B3GALT1: variants seen among roughly 807,000 people sequenced by gnomAD.
The protein encoded by B3GALT1 is beta-1,3-galactosyltransferase 1.
In B3GALT1, 10 loss-of-function variants were observed where a neutral mutation model predicts 23.2. The ratio of observed to expected loss-of-function variants is 0.43; its 90% CI spans 0.27 to 0.73. The LOEUF is 0.73. B3GALT1 is among the 30% of genes least tolerant of loss of function. The pLI, the probability that B3GALT1 is intolerant of heterozygous loss-of-function variation, is 0.21. For synonymous variants in B3GALT1, 156 were observed against 141.5 expected, an observed-to-expected ratio of 1.10 and a Z score of -0.73; for missense variants, 299 against 405.4, an observed-to-expected ratio of 0.74 and a Z score of 2.25.
intron 4 of B3GALT1, among the ~76,000 whole-genome samples, chr2:167,840,432 C>T (rs1481646403): frequency 0.011 from 1,599 of 151,998 alleles, 16 homozygotes; most frequent in Middle Eastern, 0.034. Context: ...AAAATGCTCA[C>T]CATCACTGGC....
Position 167,440,742 on chromosome 2 carries a change from G to C in B3GALT1, c.-510-49435G>C, listed in dbSNP as rs114200067. ...TCTTTCTAGAATGACTGTTTTGCTA[G>C]TTATTTGATCTCTAAAATTGACCTT... is the stretch of plus-strand genomic sequence containing the variant. On this transcript the variant is annotated intron_variant, in intron 1 of 4. Coordinates refer to ENST00000392690, the MANE Select transcript of B3GALT1 (RefSeq NM_020981.4). 5.5e-3 allele frequency among the ~76,000 whole-genome samples: 836 copies of C among 151,778 alleles called. 10 individuals carry two copies. The highest frequency in any genetic ancestry group is 0.019 in the African/African-American group (801 of 41,414).
chr2:167,589,943 A>G (rs1246651456), intron 2 of B3GALT1, among the ~76,000 whole-genome samples: 1 of 152,154 alleles, frequency 6.6e-6, no homozygotes. Flanking sequence ...TAGTATTCCT[A>G]TCCTTAACTT....
intron 1 of B3GALT1, among the ~76,000 whole-genome samples, chr2:167,392,349 T>C (rs1297974341): frequency 6.6e-6 from 1 of 152,118 alleles, no homozygotes; most frequent in Non-Finnish European, 1.5e-5. Context: ...TTTAGGGATA[T>C]CTACTTCTCA....
intron 1 of B3GALT1, among the ~76,000 whole-genome samples, chr2:167,303,682 C>CACACACACACAGAGAGAGAG (rs535369991): frequency 6.7e-6 from 1 of 148,834 alleles, no homozygotes; most frequent in African/African-American, 2.5e-5. Context: ...CACACACACA[C>CACACACACACAGAGAGAGAG]AGAGAGAGAC....
chr2:167,434,848 G>A (rs1321256432), intron 1 of B3GALT1, among the ~76,000 whole-genome samples: 1 of 151,686 alleles, frequency 6.6e-6, no homozygotes, highest in Non-Finnish European at 1.5e-5. Context: ...TAGAAAATGT[G>A]TCACCCATAT....
chr2:167,506,258 ACT>A (rs1486658321), intron 2 of B3GALT1, among the ~76,000 whole-genome samples: 2 of 151,732 alleles, frequency 1.3e-5, no homozygotes, highest in East Asian at 1.9e-4. Context: ...GTCTTTAAAG[ACT>A]CTTTATTTTT....
intron 2 of B3GALT1, among the ~76,000 whole-genome samples, chr2:167,506,837 G>C (rs1699924942): frequency 6.6e-6 from 1 of 152,180 alleles, no homozygotes; most frequent in African/African-American, 2.4e-5. Context: ...AAGTGTATGG[G>C]TGAATGTTTA....
At chr2:167,551,328 G>A (rs558119309) in intron 2 of B3GALT1, among the ~76,000 whole-genome samples, 57 of 152,290 alleles carry the variant, frequency 3.7e-4, no homozygotes, top group East Asian at 1.4e-3. Flanking sequence ...TTGAGCTGGT[G>A]GAAGATGAGC....
At position 167,293,070 on chromosome 2, in the gene B3GALT1, CA is replaced by C; in HGVS notation, c.-774del. On this transcript the variant is annotated 5_prime_UTR_variant, in exon 1 of 5. Transcript: ENST00000392690. ...TGCCGCCGCGGCTGCTCGGCTAGTG[CA>C]GCTGGGCGAGCTCGCGCGGGCGCCG... 1 of 151,432 alleles carries C rather than the reference CA, an allele frequency of 6.6e-6. No individual in the cohort carries two copies. Among genetic ancestry groups the C allele is most frequent in the Admixed American group, 6.6e-5 (1 of 15,196 alleles). 9.4% of individuals were successfully genotyped at this position (151,432 alleles called of 1,614,324 possible).
At chr2:167,500,658 G>A (rs543846721) in intron 2 of B3GALT1, among the ~76,000 whole-genome samples, 41 of 152,026 alleles carry the variant, frequency 2.7e-4, no homozygotes, top group African/African-American at 9.9e-4. Context: ...CACATATTGT[G>A]CTCATTATTA....
rs116528633 is a variant in B3GALT1 at position 167,619,555 on chromosome 2, C to T, written c.-409-27354C>T. Among the ~76,000 whole-genome samples, 1,369 of 152,042 alleles carry T rather than the reference C, an allele frequency of 9.0e-3. 12 individuals carry two copies. The highest frequency in any genetic ancestry group is 0.035 in the South Asian group (168 of 4,826). ...ACTTAAACATATATATTATATAGTA[C>T]ATTGTGCAGAAAGAAAATAAAGCAT... On this transcript the variant is annotated intron_variant, in intron 2 of 4. Coordinates refer to ENST00000392690, the MANE Select transcript of B3GALT1 (RefSeq NM_020981.4).
chr2:167,293,699 G>A (rs561187230), intron 1 of B3GALT1, among the ~76,000 whole-genome samples: 9 of 152,260 alleles, frequency 5.9e-5, no homozygotes, highest in Admixed American at 3.9e-4. Context: ...GGCTCGGCGG[G>A]AGGTAGAACG....
At position 167,586,851 on chromosome 2, in the gene B3GALT1, A is replaced by G. The variant is rs182685731; in HGVS notation, c.-409-60058A>G. 2.9e-3 allele frequency among the ~76,000 whole-genome samples: 437 copies of G among 152,334 alleles called. 11 individuals are homozygous for G. Among genetic ancestry groups the G allele is most frequent in the Admixed American group, 0.027 (416 of 15,300 alleles). On this transcript the variant is annotated intron_variant, in intron 2 of 4. Coordinates refer to ENST00000392690, the MANE Select transcript of B3GALT1 (RefSeq NM_020981.4). ...ACAAGGGCGTGCCTATTCAAAAGAA[A>G]CTAAAACTCAAGAGAGTAACAAAAA...
chr2:167,516,974 C>T (rs1700109269), intron 2 of B3GALT1, among the ~76,000 whole-genome samples: 1 of 147,582 alleles, frequency 6.8e-6, no homozygotes, highest in Non-Finnish European at 1.5e-5. Flanking sequence ...ATATATATGA[C>T]ACTTAAGCTT....
chr2:167,561,703 T>A (rs1385398095), intron 2 of B3GALT1, among the ~76,000 whole-genome samples: 12 of 152,196 alleles, frequency 7.9e-5, no homozygotes, highest in Admixed American at 2.6e-4. Flanking sequence ...GTAGAAAATC[T>A]AGAAGAAATG....
At chr2:167,432,318 G>A (rs913382798) in intron 1 of B3GALT1, among the ~76,000 whole-genome samples, 4 of 152,182 alleles carry the variant, frequency 2.6e-5, no homozygotes, top group African/African-American at 9.6e-5. Context: ...GATACTGAGT[G>A]GGAGGTTTTG....
chr2:167,738,606 C>T (rs1460017038), intron 3 of B3GALT1, among the ~76,000 whole-genome samples: 10 of 152,132 alleles, frequency 6.6e-5, no homozygotes, highest in Non-Finnish European at 1.3e-4. Context: ...CTGTGTGAAA[C>T]ATGAATATGG....
At chr2:167,466,870 G>T (rs180856637) in intron 1 of B3GALT1, among the ~76,000 whole-genome samples, 1 of 92,488 alleles carries the variant, frequency 1.1e-5, no homozygotes, top group East Asian at 3.4e-4. Context: ...CCGCCACCAC[G>T]CCTGGCTAAT....
chr2:167,753,192 A>G (rs182939047), intron 3 of B3GALT1, among the ~76,000 whole-genome samples: 3 of 152,368 alleles, frequency 2.0e-5, no homozygotes, highest in African/African-American at 7.2e-5. Context: ...CTCATTTTAA[A>G]TAAAGAAAAA....
Sources: allele counts gnomAD v4.1 joint callset (sites outside exome capture counted in the v4.1 genomes callset), GRCh38; gene constraint gnomAD v4.1.1; transcripts MANE v1.5; gene names NCBI Gene and HGNC (gene_info 2026-07-23, HGNC 2026-07-21).